CEP112: variants seen among roughly 807,000 people sequenced by gnomAD.
CEP112 encodes the protein centrosomal protein 112.
In CEP112, 127 loss-of-function variants were observed where a neutral mutation model predicts 153.0. That is an observed-to-expected ratio of 0.83 (90% CI 0.72 to 0.96). The LOEUF (loss-of-function observed/expected upper bound fraction) is 0.96. Among genes scored for constraint, CEP112 ranks in the 40% least tolerant of loss-of-function variants. The probability of loss-of-function intolerance (pLI) is 0.00; values close to 1 mark genes in which losing one functional copy is unlikely to be tolerated. For missense variants in CEP112, 1,089 were observed against 1,101.2 expected, an observed-to-expected ratio of 0.99 and a Z score of 0.16; for synonymous variants, 358 against 374.4, an observed-to-expected ratio of 0.96 and a Z score of 0.51.
chr17:65,969,354 T>C (rs2062543272), intron 17 of CEP112, among the ~76,000 whole-genome samples: 2 of 152,150 alleles, frequency 1.3e-5, no homozygotes, highest in African/African-American at 2.4e-5. Context: ...TTATGAAAAA[T>C]ATTTAAGATT....
chr17:66,143,678 T>C (rs751558673), intron 4 of CEP112, among the ~76,000 whole-genome samples: 7 of 152,200 alleles, frequency 4.6e-5, no homozygotes, highest in Non-Finnish European at 8.8e-5. Context: ...AATGAAAATA[T>C]GCATTTGGTT....
At chr17:66,151,486 G>A (rs2071209023) in intron 4 of CEP112, among the ~76,000 whole-genome samples, 1 of 152,096 alleles carries the variant, frequency 6.6e-6, no homozygotes, top group Non-Finnish European at 1.5e-5. Context: ...AGTATAGTCT[G>A]GACCTAGAAA....
intron 17 of CEP112, among the ~76,000 whole-genome samples, chr17:65,990,893 G>A (rs892634060): frequency 6.6e-6 from 1 of 152,182 alleles, no homozygotes; most frequent in Non-Finnish European, 1.5e-5. Context: ...GAGAGGAGGA[G>A]AGCAGCGACT....
At chr17:65,668,481 C>T (rs777194772) in intron 24 of CEP112, among the ~76,000 whole-genome samples, 49 of 152,284 alleles carry the variant, frequency 3.2e-4, no homozygotes, top group Non-Finnish European at 5.7e-4. Context: ...AGATCCCCCA[C>T]CTGGAAGATC....
At chr17:65,714,787 G>A (rs2049400191) in intron 23 of CEP112, among the ~76,000 whole-genome samples, 1 of 151,984 alleles carries the variant, frequency 6.6e-6, no homozygotes. Flanking sequence ...AGAAAATATT[G>A]GTATATTTAG....
intron 17 of CEP112, among the ~76,000 whole-genome samples, chr17:66,001,500 G>A (rs1383178266): frequency 1.3e-5 from 2 of 152,116 alleles, no homozygotes; most frequent in Non-Finnish European, 2.9e-5. Flanking sequence ...AAAATATTTA[G>A]AATGTTTATG....
intron 23 of CEP112, among the ~76,000 whole-genome samples, chr17:65,712,091 C>T (rs971782385): frequency 6.6e-6 from 1 of 152,104 alleles, no homozygotes; most frequent in Non-Finnish European, 1.5e-5. Context: ...CCCTTCCCTG[C>T]TTGGTCAGAG....
At chr17:66,152,429 A>G (rs2071249427) in intron 4 of CEP112, among the ~76,000 whole-genome samples, 1 of 152,226 alleles carries the variant, frequency 6.6e-6, no homozygotes, top group African/African-American at 2.4e-5. Context: ...CTTAGGTGCA[A>G]GAGTAGAGTA....
chr17:65,920,362 AATATATAT>A (rs55934550), intron 19 of CEP112, among the ~76,000 whole-genome samples: 5,291 of 42,694 alleles, frequency 0.12, 402 homozygotes, highest in South Asian at 0.17. Flanking sequence ...AAACAAACAA[AATATATAT>A]ATATATATAT....
chr17:65,808,558 T>C (rs926512967), intron 21 of CEP112, among the ~76,000 whole-genome samples: 2 of 152,148 alleles, frequency 1.3e-5, no homozygotes, highest in Admixed American at 1.3e-4. Flanking sequence ...TAGGAGGTGA[T>C]TGAATCATGG....
chr17:65,721,720 C>T (rs2049898321), intron 23 of CEP112, among the ~76,000 whole-genome samples: 1 of 152,096 alleles, frequency 6.6e-6, no homozygotes, highest in South Asian at 2.1e-4. Flanking sequence ...CGTTATTGAT[C>T]AACAGTTCCT....
chr17:65,922,245 T>G (rs569993973), intron 19 of CEP112, among the ~76,000 whole-genome samples: 67 of 152,276 alleles, frequency 4.4e-4, no homozygotes, highest in Middle Eastern at 3.4e-3. Flanking sequence ...CTCTTTCCTT[T>G]GCCAGGTCAC....
intron 17 of CEP112, among the ~76,000 whole-genome samples, chr17:65,992,023 TAA>T (rs11289087): frequency 6.1e-5 from 9 of 148,502 alleles, no homozygotes; most frequent in East Asian, 2.0e-4. Flanking sequence ...AATGTTCCAT[TAA>T]AAAAAAAAAC....
At chr17:65,682,138 C>A (rs1390818160) in intron 24 of CEP112, among the ~76,000 whole-genome samples, 1 of 151,790 alleles carries the variant, frequency 6.6e-6, no homozygotes, top group Non-Finnish European at 1.5e-5. Flanking sequence ...GGATTATAGG[C>A]ACCTGCCACC....
intron 4 of CEP112, among the ~76,000 whole-genome samples, chr17:66,136,147 G>A (rs1174524901): frequency 2.0e-5 from 3 of 152,154 alleles, no homozygotes; most frequent in Non-Finnish European, 4.4e-5. Context: ...ACTTGTTGCT[G>A]TCTTGCCTGA....
In CEP112 at chr17:66,175,031, T is replaced by C. The variant is rs1453636759; in HGVS notation, c.470+13A>G. ...TGATGAAACACATTCAAAATCCCAT[T>C]CTCTTTACATACCTGTAGACATCAG... On this transcript the variant is annotated intron_variant, in intron 4 of 26. Coordinates refer to ENST00000535342, the MANE Select transcript of CEP112 (RefSeq NM_001199165.4). 2 of 1,508,052 alleles carry C rather than the reference T, an allele frequency of 1.3e-6. No individual in the cohort carries two copies. Among genetic ancestry groups the C allele is most frequent in the Non-Finnish European group, 1.8e-6 (2 of 1,122,614 alleles). 93.4% of individuals were successfully genotyped at this position (1,508,052 alleles called of 1,614,324 possible). A position where few individuals can be genotyped will look rare whatever the true frequency, so the allele number is the denominator to read the frequency against.
At chr17:65,945,236 A>T (rs779786141) in intron 18 of CEP112, among the ~76,000 whole-genome samples, 1 of 151,938 alleles carries the variant, frequency 6.6e-6, no homozygotes, top group Non-Finnish European at 1.5e-5. Flanking sequence ...ACATTGCTGT[A>T]TAGTACTCCG....
At chr17:65,985,659 T>C (rs1406552380) in intron 17 of CEP112, among the ~76,000 whole-genome samples, 2 of 151,990 alleles carry the variant, frequency 1.3e-5, no homozygotes, top group Admixed American at 1.3e-4. Context: ...ACAGAGAAAA[T>C]GATGATGTTT....
intron 23 of CEP112, among the ~76,000 whole-genome samples, chr17:65,715,910 G>A (rs973069026): frequency 6.6e-6 from 1 of 152,080 alleles, no homozygotes; most frequent in Admixed American, 6.5e-5. Context: ...CACAAGAACA[G>A]CAACGACTAC....
Sources: gnomAD v4.1 joint callset for allele counts (sites outside exome capture counted in the v4.1 genomes callset) on GRCh38, gnomAD v4.1.1 for gene constraint, MANE v1.5 for transcripts, NCBI Gene and HGNC (gene_info 2026-07-23, HGNC 2026-07-21) for gene names.